Variants in CYTH3 observed in about 807,000 individuals in gnomAD.
CYTH3 encodes the protein cytohesin 3.
Under a neutral mutation model 55.1 loss-of-function variants are expected in CYTH3, and 23 were observed. The ratio of observed to expected loss-of-function variants is 0.42; its 90% confidence interval spans 0.30 to 0.59. CYTH3 has a LOEUF of 0.59. Among genes scored for constraint, CYTH3 ranks in the 20% least tolerant of loss-of-function variants. CYTH3 has a pLI of 0.20. For synonymous variants in CYTH3, 249 were observed against 194.9 expected (o/e 1.28, Z -2.31); for missense variants, 413 against 524.8 (o/e 0.79, Z 2.08).
chr7:6,260,508 C>A (rs1350863405), intron 1 of CYTH3, among the ~76,000 whole-genome samples: 2 of 152,102 alleles, frequency 1.3e-5, no homozygotes, highest in Non-Finnish European at 2.9e-5. Flanking sequence ...CGTGCCTTTC[C>A]TTCAGCAAAG....
intron 1 of CYTH3, among the ~76,000 whole-genome samples, chr7:6,215,589 C>CA (rs35017027): frequency 0.068 from 4,147 of 61,130 alleles, 96 homozygotes; most frequent in African/African-American, 0.12. Context: ...GTCTCCATCT[C>CA]AAAAAAAAAA....
chr7:6,272,432 AC>A lies in CYTH3; in HGVS notation c.34+41del. The A allele has an allele frequency of 5.7e-6, 4 of 699,338 alleles. No individual in the cohort carries two copies. The South Asian group carries it at 8.4e-5, about 15-fold the overall frequency. The allele number at this position is 699,338 out of a possible 1,614,324, so 43.3% of individuals were successfully genotyped here. ...CTCGACCCCCAGCCCCCGGCCCCCG[AC>A]CCCAGGCCGCCGGCGAGCCCACCAC... On this transcript the variant is annotated intron_variant, in intron 1 of 12. Transcript: ENST00000350796.
chr7:6,185,233 A>G (rs981185296), intron 4 of CYTH3, among the ~76,000 whole-genome samples: 12 of 152,260 alleles, frequency 7.9e-5, no homozygotes, highest in African/African-American at 2.9e-4. Context: ...CACAGTGGCT[A>G]GAGTGTATGC....
intron 1 of CYTH3, among the ~76,000 whole-genome samples, chr7:6,223,793 C>T (rs1055699458): frequency 1.5e-5 from 2 of 136,656 alleles, no homozygotes; most frequent in Non-Finnish European, 3.0e-5. Flanking sequence ...GACCCTGCCA[C>T]ATCCCCCTCT....
intron 12 of CYTH3, 125 bp from the exon 13 acceptor site, chr7:6,165,141 C>A: frequency 6.4e-7 from 1 of 1,560,036 alleles, no homozygotes; most frequent in Non-Finnish European, 8.7e-7. Flanking sequence ...GCTTTGGCAG[C>A]CCGGCCCTCT....
intron 1 of CYTH3, among the ~76,000 whole-genome samples, chr7:6,265,968 T>C (rs1466104148): frequency 6.8e-6 from 1 of 147,760 alleles, no homozygotes; most frequent in African/African-American, 2.6e-5. Context: ...CAACAGAACA[T>C]TGACAGCTAT....
intron 1 of CYTH3, among the ~76,000 whole-genome samples, chr7:6,220,786 A>G (rs1413920468): frequency 6.6e-6 from 1 of 152,100 alleles, no homozygotes; most frequent in Non-Finnish European, 1.5e-5. Flanking sequence ...GCCTGAGCTC[A>G]GGAGTTCGAG....
chr7:6,211,434 C>T (rs886277080), intron 1 of CYTH3, among the ~76,000 whole-genome samples: 1 of 152,212 alleles, frequency 6.6e-6, no homozygotes, highest in African/African-American at 2.4e-5. Flanking sequence ...TGTGCAAGAC[C>T]GGACACCTGT....
intron 5 of CYTH3, among the ~76,000 whole-genome samples, chr7:6,174,798 C>T (rs1302003847): frequency 1.3e-5 from 2 of 152,086 alleles, no homozygotes; most frequent in African/African-American, 4.8e-5. Flanking sequence ...CCACCCACCT[C>T]GGCCTCCCAA....
chr7:6,164,894 G>GTCTTTCTGCTGGGGTTGGGTCT lies in CYTH3; in HGVS notation c.*28_*49dup. ...CTTCCGCGGAGGGGCCGCCCGCGGT[G>GTCTTTCTGCTGGGGTTGGGTCT]TCTTTCTGCTGGGGTTGGGTCTTTT... On this transcript the variant is annotated 3_prime_UTR_variant, in exon 13 of 13. Coordinates refer to ENST00000350796, the MANE Select transcript of CYTH3 (RefSeq NM_004227.4). 6.2e-7 allele frequency: 1 copy of GTCTTTCTGCTGGGGTTGGGTCT among 1,608,262 alleles called. No homozygotes were observed. The highest frequency in any genetic ancestry group is 1.7e-5 in the Admixed American group (1 of 59,958).
chr7:6,170,323 C>G lies in CYTH3; in HGVS notation c.823+212G>C. 1.7e-6 allele frequency: 1 copy of G among 575,338 alleles called. No homozygotes were observed. The highest frequency in any genetic ancestry group is 3.1e-6 in the Non-Finnish European group (1 of 326,516). The allele number at this position is 575,338 out of a possible 1,614,324, so 35.6% of individuals were successfully genotyped here. A position where few individuals can be genotyped will look rare whatever the true frequency, so the allele number is the denominator to read the frequency against. On this transcript the variant is annotated intron_variant, in intron 9 of 12. Coordinates refer to ENST00000350796, the MANE Select transcript of CYTH3 (RefSeq NM_004227.4). The surrounding 1 kb of genome is among the most constrained non-coding windows in gnomAD (Gnocchi z 7.8). ...GACGGGCCGTGCAGCCTGGGCGCTA[C>G]TCTCTGCCGCGGGCATGGCTCTGAG... is the stretch of plus-strand genomic sequence containing the variant.
At chr7:6,215,120 T>C (rs1562391650) in intron 1 of CYTH3, among the ~76,000 whole-genome samples, 1 of 152,182 alleles carries the variant, frequency 6.6e-6, no homozygotes, top group Non-Finnish European at 1.5e-5. Flanking sequence ...GGTTGGATTT[T>C]AAAACGCCAC....
At chr7:6,249,083 G>C (rs1779895845) in intron 1 of CYTH3, among the ~76,000 whole-genome samples, 1 of 152,136 alleles carries the variant, frequency 6.6e-6, no homozygotes, top group South Asian at 2.1e-4. Context: ...CTTGCTGTTT[G>C]TACACATTTA....
At chr7:6,186,830 T>C (rs535413983) in intron 4 of CYTH3, among the ~76,000 whole-genome samples, 10 of 152,346 alleles carry the variant, frequency 6.6e-5, no homozygotes, top group African/African-American at 2.2e-4. Flanking sequence ...CAGCTCACTC[T>C]GAAAGAAAGG....
Position 6,169,658 on chromosome 7 carries a change from G to A in CYTH3, c.823+877C>T, listed in dbSNP as rs577469637. 1.3e-5 allele frequency among the ~76,000 whole-genome samples: 2 copies of A among 152,026 alleles called. No individual in the cohort carries two copies. The highest frequency in any genetic ancestry group is 1.9e-4 in the East Asian group (1 of 5,168). On this transcript the variant is annotated intron_variant, in intron 9 of 12. Transcript: ENST00000350796. This position sits in a 1 kb window ranked among gnomAD's most constrained non-coding sequence, Gnocchi z 4.1. Reference sequence around the variant, plus strand: ...GGCATAAGGCAACCATCCCCGCCCCGCAGGCAAAACAACCCCTCAGCATTT... The same window carrying A: ...GGCATAAGGCAACCATCCCCGCCCCACAGGCAAAACAACCCCTCAGCATTT...
chr7:6,249,420 A>G (rs1337805125), intron 1 of CYTH3, among the ~76,000 whole-genome samples: 1 of 152,226 alleles, frequency 6.6e-6, no homozygotes, highest in Admixed American at 6.5e-5. Context: ...CCTCAAAACA[A>G]GAGGAACAGG....
At chr7:6,263,713 G>A (rs952078213) in intron 1 of CYTH3, among the ~76,000 whole-genome samples, 12 of 151,628 alleles carry the variant, frequency 7.9e-5, no homozygotes, top group African/African-American at 2.9e-4. Context: ...CAGAAGAATC[G>A]CTTGAACCTG....
intron 9 of CYTH3, among the ~76,000 whole-genome samples, chr7:6,168,172 A>G (rs1353568993): frequency 6.6e-6 from 1 of 150,634 alleles, no homozygotes; most frequent in Non-Finnish European, 1.5e-5. Flanking sequence ...ACAGGTCCAC[A>G]TGCACACACT....
At chr7:6,184,149 C>T (rs1283765609) in intron 4 of CYTH3, among the ~76,000 whole-genome samples, 1 of 149,210 alleles carries the variant, frequency 6.7e-6, no homozygotes, top group East Asian at 2.0e-4. Context: ...CAAGCTCCAC[C>T]TCCCGGGTTC....
Sources: gnomAD v4.1 joint callset for allele counts (sites outside exome capture counted in the v4.1 genomes callset) on GRCh38, gnomAD v4.1.1 for gene constraint, Gnocchi (gnomAD v3.1) non-coding constraint, MANE v1.5 for transcripts, NCBI Gene and HGNC (gene_info 2026-07-23, HGNC 2026-07-21) for gene names.